Variants in PCDH12 observed in about 807,000 individuals in gnomAD.
PCDH12 encodes protocadherin-12.
In PCDH12, 45 loss-of-function variants were observed where a neutral mutation model predicts 70.9. That is an observed-to-expected ratio of 0.63 (90% CI 0.50 to 0.81). The LOEUF (loss-of-function observed/expected upper bound fraction) is 0.81. Among genes scored for constraint, PCDH12 ranks in the 40% least tolerant of loss-of-function variants. The pLI, the probability that PCDH12 is intolerant of heterozygous loss-of-function variation, is 0.00. For synonymous variants in PCDH12, 567 were observed against 626.0 expected (o/e 0.91, Z 1.41); for missense variants, 1,370 against 1,491.7 (o/e 0.92, Z 1.34).
In PCDH12 at chr5:141,957,395, G is replaced by A. The variant is rs375993732; in HGVS notation, c.457C>T (p.Arg153Trp). Residue 153 changes from arginine (R) to tryptophan (W), a missense_variant, in exon 1 of 4, where the codon CGG (arginine) becomes TGG (tryptophan). Coordinates refer to ENST00000231484, the MANE Select transcript of PCDH12 (RefSeq NM_016580.4). This position sits in a 1 kb window ranked among gnomAD's most constrained non-coding sequence, Gnocchi z 4.3. ...TCAAGAGCTCTGTCCAGGGGGATCC[G>A]GGTTCGCAGAGAGGCGCTCTCAGAG... Reference protein sequence around the residue: ...EISESASLRTRIPLDRALDPD... With the variant: ...EISESASLRTWIPLDRALDPD... 8 of 1,613,562 alleles carry A rather than the reference G, an allele frequency of 5.0e-6. No individual in the cohort carries two copies. The highest frequency in any genetic ancestry group is 1.3e-5 in the African/African-American group (1 of 74,930).
intron 3 of PCDH12, among the ~76,000 whole-genome samples, chr5:141,947,356 T>C (rs1373458667): frequency 6.6e-6 from 1 of 152,232 alleles, no homozygotes; most frequent in African/African-American, 2.4e-5. Flanking sequence ...TAAGGTTGGA[T>C]GGAACTCTTG....
At position 141,945,740 on chromosome 5, in the gene PCDH12, T is replaced by G. The variant is rs1596638429; in HGVS notation, c.3196A>C (p.Thr1066Pro). 1 of 1,613,956 alleles carries G rather than the reference T, an allele frequency of 6.2e-7. No individual in the cohort carries two copies. The highest frequency in any genetic ancestry group is 1.1e-5 in the South Asian group (1 of 91,084). The change falls in exon 4 of 4, where the codon ACC (threonine) becomes CCC (proline). Residue 1066 changes from threonine to proline, a missense_variant. Physicochemically the swap from Thr to Pro is conservative, Grantham distance 38. Transcript: ENST00000231484. Reference protein sequence around the residue: ...AWMARLSLPLTTNYRDNVISP... With the variant: ...AWMARLSLPLPTNYRDNVISP... ...ATCACATTGTCACGGTAGTTGGTGG[T>G]GAGGGGCAAAGAGAGTCTCGCCATC...
Position 141,956,853 on chromosome 5 carries a change from T to A in PCDH12, c.999A>T (p.Pro333=). The A allele has an allele frequency of 1.9e-6, 3 of 1,614,242 alleles. No homozygotes were observed. The highest frequency in any genetic ancestry group is 2.5e-6 in the Non-Finnish European group (3 of 1,180,040). Residue 333 remains proline, a synonymous_variant, in exon 1 of 4, where the codon CCA becomes CCT. Coordinates refer to ENST00000231484, the MANE Select transcript of PCDH12 (RefSeq NM_016580.4). ...QARDLGPNPI[P]AHCKVLIKVL... ...CCTTGATGAGAACTTTGCAATGGGC[T>A]GGGATAGGATTGGGACCCAGGTCCC...
Position 141,945,697 on chromosome 5 carries a change from G to C in PCDH12, c.3239C>G (p.Ala1080Gly). ...CTGGAAGGTCCTTGGCTCCTCCGTG[G>C]CTGCAGCATCCGGGGAGATCACATT... ...RDNVISPDAA[A>G]TEEPRTFQTF... Residue 1080 changes from alanine to glycine, a missense_variant, in exon 4 of 4, where the codon GCC becomes GGC. Transcript: ENST00000231484. 1 of 1,614,204 alleles carries C rather than the reference G, an allele frequency of 6.2e-7. No homozygotes were observed. Among genetic ancestry groups the C allele is most frequent in the Non-Finnish European group, 8.5e-7 (1 of 1,180,036 alleles).
chr5:141,951,029 C>T (rs961363639), intron 2 of PCDH12, among the ~76,000 whole-genome samples: 5 of 152,172 alleles, frequency 3.3e-5, no homozygotes, highest in African/African-American at 1.2e-4. Flanking sequence ...CCATCCGTAA[C>T]AAGAAGTTGG....
rs1245550892 is a variant in PCDH12, at chr5:141,956,851, G to T, written c.1001C>A (p.Ala334Asp). Residue 334 changes from alanine (A) to aspartate (D), a missense_variant, in exon 1 of 4, where the codon GCC (alanine) becomes GAC (aspartate). Physicochemically the swap from Ala to Asp is moderately radical, Grantham distance 126. Coordinates refer to ENST00000231484, the MANE Select transcript of PCDH12 (RefSeq NM_016580.4). The part of the protein sequence containing the change: ...ARDLGPNPIP[A>D]HCKVLIKVLD... The stretch of plus-strand genomic sequence containing the variant: ...AACCTTGATGAGAACTTTGCAATGG[G>T]CTGGGATAGGATTGGGACCCAGGTC... The T allele has an allele frequency of 6.2e-7, 1 of 1,614,234 alleles. No homozygotes were observed. The highest frequency in any genetic ancestry group is 2.2e-5 in the East Asian group (1 of 44,890).
chr5:141,949,008 G>A lies in PCDH12; in HGVS notation c.3130+424C>T, dbSNP rs571316493. 1.1e-4 allele frequency among the ~76,000 whole-genome samples: 16 copies of A among 150,702 alleles called. No homozygotes were observed. In the South Asian group the frequency reaches 3.4e-3, roughly 32 times the overall value. On this transcript the variant is annotated intron_variant, in intron 3 of 3. Transcript: ENST00000231484. ...GTGGGTGGATTGCTTGAGCCCAGGA[G>A]TTGGAGACCAGCCTGGGCAACAGGT...
At position 141,957,662 on chromosome 5, in the gene PCDH12, C is replaced by T. The variant is rs768943002; in HGVS notation, c.190G>A (p.Ala64Thr). The change falls in exon 1 of 4, where the codon GCT (alanine) becomes ACT (threonine). Residue 64 changes from alanine (A) to threonine (T), a missense_variant. Coordinates refer to ENST00000231484, the MANE Select transcript of PCDH12 (RefSeq NM_016580.4). This position sits in a 1 kb window ranked among gnomAD's most constrained non-coding sequence, Gnocchi z 4.3. ...GGCAGCTGCAACACCTGGAAGGCAG[C>T]CCCAGCTTGCCTCCGCCTCTCCTCC... Reference protein sequence around the residue: ...GREERRRQAGAAFQVLQLPQA... With the variant: ...GREERRRQAGTAFQVLQLPQA... 1.9e-6 allele frequency: 3 copies of T among 1,613,934 alleles called. No homozygotes were observed. The highest frequency in any genetic ancestry group is 2.5e-6 in the Non-Finnish European group (3 of 1,179,810).
chr5:141,945,530 G>T lies in PCDH12; in HGVS notation c.3406C>A (p.Leu1136Met). ...SMPVEAASEA[L>M]RRLSVCGRTL... ...CTCCCGCAGACCGAGAGCCGCCGCA[G>T]CGCCTCGGAGGCGGCCTCCACGGGC... Residue 1136 changes from leucine (L) to methionine (M), a missense_variant, in exon 4 of 4, where the codon CTG becomes ATG. Transcript: ENST00000231484. The T allele has an allele frequency of 6.2e-7, 1 of 1,613,932 alleles. No individual in the cohort carries two copies. The highest frequency in any genetic ancestry group is 1.1e-5 in the South Asian group (1 of 91,068).
At position 141,957,847 on chromosome 5, in the gene PCDH12, A is replaced by G; in HGVS notation, c.5T>C (p.Met2Thr). The change falls in exon 1 of 4, where the codon ATG becomes ACG. Residue 2 changes from methionine to threonine, a missense_variant. Coordinates refer to ENST00000231484, the MANE Select transcript of PCDH12 (RefSeq NM_016580.4). The surrounding 1 kb of genome is among the most constrained non-coding windows in gnomAD (Gnocchi z 4.3). M[M>T]QLLQLLLGLL... ...CCCCAGCAGAAGTTGCAGAAGTTGC[A>G]TCATGCTTACCGCCAAGTGGGCTAG... is the stretch of plus-strand genomic sequence containing the variant. 1 of 1,597,584 alleles carries G rather than the reference A, an allele frequency of 6.3e-7. No homozygotes were observed. Among genetic ancestry groups the G allele is most frequent in the Non-Finnish European group, 8.5e-7 (1 of 1,178,188 alleles).
At position 141,955,652 on chromosome 5, in the gene PCDH12, C is replaced by T. The variant is rs1412540453; in HGVS notation, c.2200G>A (p.Ala734Thr). Residue 734 changes from alanine (A) to threonine (T), a missense_variant, in exon 1 of 4, where the codon GCT (alanine) becomes ACT (threonine). Transcript: ENST00000231484. The surrounding 1 kb of genome is among the most constrained non-coding windows in gnomAD (Gnocchi z 5.5). Reference protein sequence around the residue: ...VLLGIFGLILALFMSICRTEK... With the variant: ...VLLGIFGLILTLFMSICRTEK... ...GTCCGGCAGATGGACATGAACAAAG[C>T]CAGGATCAACCCGAAGATGCCCAAC... The T allele has an allele frequency of 6.2e-7, 1 of 1,613,988 alleles. No homozygotes were observed. The highest frequency in any genetic ancestry group is 8.5e-7 in the Non-Finnish European group (1 of 1,180,020).
rs976615733 is a variant in PCDH12 at position 141,945,304 on chromosome 5, C to A, written c.*77G>T. The A allele has an allele frequency of 6.6e-7, 1 of 1,510,110 alleles. No homozygotes were observed. Among genetic ancestry groups the A allele is most frequent in the Non-Finnish European group, 8.9e-7 (1 of 1,127,120 alleles). 93.5% of individuals were successfully genotyped at this position (1,510,110 alleles called of 1,614,324 possible). On this transcript the variant is annotated 3_prime_UTR_variant, in exon 4 of 4. Coordinates refer to ENST00000231484, the MANE Select transcript of PCDH12 (RefSeq NM_016580.4). ...CAGGCCGCCGCTAGCTAGTGAGTTACAAGATTTTAGAAACCAGCTCTTGTC... is the reference window on the plus strand; with the variant it reads ...CAGGCCGCCGCTAGCTAGTGAGTTAAAAGATTTTAGAAACCAGCTCTTGTC...
chr5:141,957,129 G>T lies in PCDH12; in HGVS notation c.723C>A (p.Ser241Arg). The T allele has an allele frequency of 6.2e-7, 1 of 1,614,142 alleles. No individual in the cohort carries two copies. Among genetic ancestry groups the T allele is most frequent in the East Asian group, 2.2e-5 (1 of 44,874 alleles). Residue 241 changes from serine (S) to arginine (R), a missense_variant, in exon 1 of 4, where the codon AGC becomes AGA. Physicochemically the swap from Ser to Arg is moderately radical, Grantham distance 110. Transcript: ENST00000231484. This position sits in a 1 kb window ranked among gnomAD's most constrained non-coding sequence, Gnocchi z 4.3. Reference protein sequence around the residue: ...KVNVLDSNDNSPAFAESSLAL... With the variant: ...KVNVLDSNDNRPAFAESSLAL... The stretch of plus-strand genomic sequence containing the variant: ...CCAGTGAACTCTCAGCAAACGCAGG[G>T]CTATTGTCATTGGAGTCCAAGACGT...
intron 3 of PCDH12, 88 bp from the exon 4 acceptor site, chr5:141,945,893 G>A: frequency 8.3e-7 from 1 of 1,206,084 alleles, no homozygotes; most frequent in Non-Finnish European, 1.2e-6. Context: ...GGCAAGGGCA[G>A]TGGACAAAGG....
At position 141,956,041 on chromosome 5, in the gene PCDH12, T is replaced by A. The variant is rs760313759; in HGVS notation, c.1811A>T (p.Asp604Val). Residue 604 changes from aspartate (D) to valine (V), a missense_variant, in exon 1 of 4, where the codon GAC becomes GTC. Coordinates refer to ENST00000231484, the MANE Select transcript of PCDH12 (RefSeq NM_016580.4). ...TPNGLGPAGT[D>V]TPPLATHSSR... ...GCTGTGAGTGGCCAGTGGAGGTGTG[T>A]CAGTGCCCGCTGGGCCCAAGCCATT... 6.2e-7 allele frequency: 1 copy of A among 1,613,986 alleles called. No individual in the cohort carries two copies. The highest frequency in any genetic ancestry group is 1.1e-5 in the South Asian group (1 of 91,072).
rs1186151654 is a variant in PCDH12, at chr5:141,956,384, C to T, written c.1468G>A (p.Gly490Ser). Residue 490 changes from glycine to serine, a missense_variant, in exon 1 of 4, where the codon GGC becomes AGC. Gly to Ser is a moderately conservative substitution (Grantham distance 56). Transcript: ENST00000231484. ...ITIKAHDADL[G>S]INGKVSYRIQ... ...CGGTATGAGACTTTTCCATTAATGC[C>T]CAAGTCTGCATCATGAGCCTTGATG... 4 of 1,614,044 alleles carry T rather than the reference C, an allele frequency of 2.5e-6. No individual in the cohort carries two copies. The highest frequency in any genetic ancestry group is 3.4e-6 in the Non-Finnish European group (4 of 1,180,034).
Position 141,956,641 on chromosome 5 carries a change from C to T in PCDH12, c.1211G>A (p.Arg404Lys). 1 of 1,614,170 alleles carries T rather than the reference C, an allele frequency of 6.2e-7. No homozygotes were observed. ...CAACATGTATGTGTTGCCATTAGTT[C>T]TTTTCAGCCTGAAGTGGCCCAGCTC... is the stretch of plus-strand genomic sequence containing the variant. Reference protein sequence around the residue: ...SQELGHFRLKRTNGNTYMLLT... With the variant: ...SQELGHFRLKKTNGNTYMLLT... The change falls in exon 1 of 4, where the codon AGA becomes AAA. Residue 404 changes from arginine to lysine, a missense_variant. Arg to Lys is a conservative substitution (Grantham distance 26). Transcript: ENST00000231484.
rs1395450393 is a variant in PCDH12, at chr5:141,957,677, G to A, written c.175C>T (p.Arg59Trp). 16 of 1,614,012 alleles carry A rather than the reference G, an allele frequency of 9.9e-6. No individual in the cohort carries two copies. Among genetic ancestry groups the A allele is most frequent in the Middle Eastern group, 1.6e-4 (1 of 6,084 alleles). Residue 59 changes from arginine (R) to tryptophan (W), a missense_variant, in exon 1 of 4, where the codon CGG becomes TGG. Coordinates refer to ENST00000231484, the MANE Select transcript of PCDH12 (RefSeq NM_016580.4). This position sits in a 1 kb window ranked among gnomAD's most constrained non-coding sequence, Gnocchi z 4.3. ...LSQELGREER[R>W]RQAGAAFQVL... Reference sequence around the variant, plus strand: ...TGGAAGGCAGCCCCAGCTTGCCTCCGCCTCTCCTCCCGGCCCAGTTCCTGG... The same window carrying A: ...TGGAAGGCAGCCCCAGCTTGCCTCCACCTCTCCTCCCGGCCCAGTTCCTGG...
intron 2 of PCDH12, 81 bp downstream of exon 2, chr5:141,951,412 T>C: frequency 9.6e-7 from 1 of 1,038,906 alleles, no homozygotes; most frequent in East Asian, 2.4e-5. Flanking sequence ...GTGCTCACCC[T>C]TCCTCACTCA....
Sources: allele counts gnomAD v4.1 joint callset (sites outside exome capture counted in the v4.1 genomes callset), GRCh38; gene constraint gnomAD v4.1.1; non-coding constraint Gnocchi (gnomAD v3.1); transcripts MANE v1.5; gene names NCBI Gene and HGNC (gene_info 2026-07-23, HGNC 2026-07-21).